The following RBM33 variants were observed in gnomAD, a reference collection of about 807,000 sequenced individuals.
RBM33 encodes RNA-binding protein 33.
In RBM33, 28 loss-of-function variants were observed where a neutral mutation model predicts 132.6. That is an observed-to-expected ratio of 0.21 (90% CI 0.16 to 0.29). The LOEUF (loss-of-function observed/expected upper bound fraction) is 0.29, where lower values mean the gene tolerates loss of function less well. Among genes scored for constraint, RBM33 ranks in the 10% least tolerant of loss-of-function variants. The probability of loss-of-function intolerance (pLI) is 1.00; values close to 1 mark genes in which losing one functional copy is unlikely to be tolerated. For synonymous variants in RBM33, 634 were observed against 593.0 expected, an observed-to-expected ratio of 1.07 and a Z score of -1.01; for missense variants, 1,291 against 1,518.5, an observed-to-expected ratio of 0.85 and a Z score of 2.49.
chr7:155,765,386 C>T (rs1184127051), intron 15 of RBM33, among the ~76,000 whole-genome samples: 1 of 152,174 alleles, frequency 6.6e-6, no homozygotes, highest in East Asian at 1.9e-4. Flanking sequence ...TTGAAATAAC[C>T]CCTTGCAACT....
At position 155,645,184 on chromosome 7, in the gene RBM33, A is replaced by C. The variant is rs115044734; in HGVS notation, c.43+265A>C. ...GCAAGGCTGCCTAAGTGTCAGGCCCATCTCTGGCGTTGGCGGGCATTAAGT... is the reference window on the plus strand; with the variant it reads ...GCAAGGCTGCCTAAGTGTCAGGCCCCTCTCTGGCGTTGGCGGGCATTAAGT... On this transcript the variant is annotated intron_variant, in intron 1 of 17. Coordinates refer to ENST00000401878, the MANE Select transcript of RBM33 (RefSeq NM_053043.3). 1,244 of 384,784 alleles carry C rather than the reference A, an allele frequency of 3.2e-3. 20 individuals carry two copies. The highest frequency in any genetic ancestry group is 0.024 in the African/African-American group (1,132 of 47,574). The allele number at this position is 384,784 out of a possible 1,614,324, so 23.8% of individuals were successfully genotyped here.
intron 7 of RBM33, among the ~76,000 whole-genome samples, chr7:155,710,908 A>ATT (rs34296454): frequency 1.8e-4 from 25 of 139,970 alleles, no homozygotes; most frequent in African/African-American, 4.0e-4. Context: ...CCTGAACTGA[A>ATT]TTTTTTTTTT....
intron 16 of RBM33, among the ~76,000 whole-genome samples, chr7:155,773,568 C>CAAAAAAAAAAAAAAAA (rs201127157): frequency 9.9e-5 from 5 of 50,474 alleles, no homozygotes; most frequent in African/African-American, 4.2e-4. Context: ...ACTCCATCTC[C>CAAAAAAAAAAAAAAAA]AAAAAAAAAA....
rs1314323332 is a variant in RBM33 at position 155,727,157 on chromosome 7, G to GT, written c.1260+8719dup. Among the ~76,000 whole-genome samples, 4 of 152,286 alleles carry GT rather than the reference G, an allele frequency of 2.6e-5. No individual in the cohort carries two copies. In the East Asian group the frequency reaches 7.7e-4, roughly 29 times the overall value. The stretch of plus-strand genomic sequence containing the variant: ...TATCAGCTCTGATAGGGACTCCTAT[G>GT]TTTTTCCATCTACCCATCACCTAAT... On this transcript the variant is annotated intron_variant, in intron 9 of 17. Transcript: ENST00000401878.
Position 155,739,811 on chromosome 7 carries a change from C to T in RBM33, c.1834C>T (p.Pro612Ser). Residue 612 changes from proline (P) to serine (S), a missense_variant, in exon 12 of 18, where the codon CCG becomes TCG. Pro to Ser is a moderately conservative substitution (Grantham distance 74). This residue lies in a region of RBM33 where 841 missense variants were observed against 912.0 expected (regional missense o/e 0.92). Coordinates refer to ENST00000401878, the MANE Select transcript of RBM33 (RefSeq NM_053043.3). ...ACAGCACCAGCCTCCGCACCAGCCC[C>T]CGCACCAGCCCCCGCCCCAGCACCA... ...PPQHQPPHQP[P>S]HQPPPQHQPP... 7.2e-7 allele frequency: 1 copy of T among 1,397,064 alleles called. No individual in the cohort carries two copies. The allele number at this position is 1,397,064 out of a possible 1,614,324, so 86.5% of individuals were successfully genotyped here.
intron 9 of RBM33, among the ~76,000 whole-genome samples, chr7:155,733,852 C>T (rs552137690): frequency 5.9e-5 from 9 of 152,232 alleles, no homozygotes; most frequent in Non-Finnish European, 1.0e-4. Flanking sequence ...AACTCTAACC[C>T]ATGCTGAGAC....
rs909744822 is a variant in RBM33 at position 155,740,260 on chromosome 7, ATTTAC to A, written c.2049+237_2049+241del. Reference sequence around the variant, plus strand: ...TTTGTGTCTCAAAGACTGTGTTAATATTTACTTAAGCATCTTTCTTGTATCTAGAT... The same window carrying A: ...TTTGTGTCTCAAAGACTGTGTTAATATTAAGCATCTTTCTTGTATCTAGAT... On this transcript the variant is annotated intron_variant, in intron 12 of 17. Coordinates refer to ENST00000401878, the MANE Select transcript of RBM33 (RefSeq NM_053043.3). 5.3e-5 allele frequency among the ~76,000 whole-genome samples: 8 copies of A among 152,222 alleles called. No homozygotes were observed. In the East Asian group the frequency reaches 9.6e-4, roughly 18 times the overall value.
intron 14 of RBM33, among the ~76,000 whole-genome samples, chr7:155,753,877 A>C (rs1351369672): frequency 5.9e-5 from 9 of 152,214 alleles, no homozygotes; most frequent in African/African-American, 2.2e-4. Context: ...GGCAAATAGC[A>C]AAAGAGTGAA....
At chr7:155,753,327 T>TTTG (rs1327211721) in intron 14 of RBM33, among the ~76,000 whole-genome samples, 2 of 152,220 alleles carry the variant, frequency 1.3e-5, no homozygotes, top group Non-Finnish European at 2.9e-5. Context: ...TTTGCTGCTG[T>TTTG]TTGAATTGTG....
chr7:155,759,205 A>G (rs1801947336), intron 14 of RBM33, among the ~76,000 whole-genome samples: 1 of 152,348 alleles, frequency 6.6e-6, no homozygotes. Flanking sequence ...TTTTTGTAAT[A>G]CCTGTATTTC....
intron 13 of RBM33, among the ~76,000 whole-genome samples, chr7:155,743,864 A>G (rs1188034327): frequency 6.6e-6 from 1 of 152,128 alleles, no homozygotes; most frequent in Non-Finnish European, 1.5e-5. Flanking sequence ...TGCTTCCCCG[A>G]TGCCCATGTC....
At chr7:155,660,779 C>T (rs938973018) in intron 1 of RBM33, among the ~76,000 whole-genome samples, 1 of 152,124 alleles carries the variant, frequency 6.6e-6, no homozygotes. Context: ...TAAATATTTT[C>T]CAGTACCTTT....
At chr7:155,673,469 T>C (rs1300339983) in intron 3 of RBM33, among the ~76,000 whole-genome samples, 3 of 149,086 alleles carry the variant, frequency 2.0e-5, no homozygotes, top group Admixed American at 2.0e-4. Context: ...CATATATATA[T>C]ACATACACGT....
rs796569840 is a variant in RBM33 at position 155,684,786 on chromosome 7, G to A, written c.567+3878G>A. 22 of 831,774 alleles carry A rather than the reference G, an allele frequency of 2.6e-5. No homozygotes were observed. In the African/African-American group the frequency reaches 3.6e-4, roughly 14 times the overall value. 51.5% of individuals were successfully genotyped at this position (831,774 alleles called of 1,614,324 possible). A position where few individuals can be genotyped will look rare whatever the true frequency, so the allele number is the denominator to read the frequency against. On this transcript the variant is annotated intron_variant, in intron 5 of 17. Transcript: ENST00000401878. ...GCAGAGGAGGTTCCCCTCTGTTTCT[G>A]GGCCTGGTGCTTTGTGCTCAGTCAG...
At chr7:155,647,834 T>C (rs1412136739) in intron 1 of RBM33, among the ~76,000 whole-genome samples, 1 of 152,150 alleles carries the variant, frequency 6.6e-6, no homozygotes, top group African/African-American at 2.4e-5. Context: ...TATTGGAGAC[T>C]GAAAACAAAA....
chr7:155,700,949 C>G lies in RBM33; in HGVS notation c.739+5C>G, dbSNP rs1563150445. The G allele has an allele frequency of 4.4e-6, 7 of 1,606,726 alleles. No homozygotes were observed. Among genetic ancestry groups the G allele is most frequent in the South Asian group, 1.1e-5 (1 of 89,572 alleles). ...GGAACATTCCAGAAACTTTGGGTAACTTTTTTGCCTGTCTCCCATCCTCCT... is the reference window on the plus strand; with the variant it reads ...GGAACATTCCAGAAACTTTGGGTAAGTTTTTTGCCTGTCTCCCATCCTCCT... On this transcript the variant is annotated splice_donor_5th_base_variant and intron_variant, in intron 6 of 17. Transcript: ENST00000401878.
At chr7:155,698,492 T>C (rs1799863199) in intron 5 of RBM33, among the ~76,000 whole-genome samples, 1 of 152,212 alleles carries the variant, frequency 6.6e-6, no homozygotes, top group African/African-American at 2.4e-5. Context: ...AAGAATTAAG[T>C]CTAGCTTAGT....
At chr7:155,754,057 G>A (rs1801770160) in intron 14 of RBM33, among the ~76,000 whole-genome samples, 1 of 152,168 alleles carries the variant, frequency 6.6e-6, no homozygotes, top group East Asian at 1.9e-4. Flanking sequence ...TACTTTTTAA[G>A]CATTCTTAAT....
At chr7:155,649,230 T>C (rs1015767556) in intron 1 of RBM33, among the ~76,000 whole-genome samples, 6 of 152,234 alleles carry the variant, frequency 3.9e-5, no homozygotes, top group African/African-American at 1.4e-4. Context: ...TTTCCTCACC[T>C]ATAGCACCCT....
Sources: allele counts gnomAD v4.1 joint callset (sites outside exome capture counted in the v4.1 genomes callset), GRCh38; gene constraint gnomAD v4.1.1; regional missense constraint gnomAD v4.1.1; transcripts MANE v1.5; gene names NCBI Gene and HGNC (gene_info 2026-07-23, HGNC 2026-07-21).